WWOX: variants seen among roughly 807,000 people sequenced by gnomAD.
WWOX encodes the protein WW domain containing oxidoreductase.
A neutral mutation model predicts 46.2 loss-of-function variants in WWOX; 69 were observed. The observed-to-expected ratio is 1.49, with a 90% confidence interval of 1.23 to 1.82. WWOX has a LOEUF of 1.82. Ranked by LOEUF, WWOX falls within the 40% of genes most tolerant of loss-of-function variation. The pLI is 0.00. For synonymous variants in WWOX, 359 were observed against 202.6 expected (o/e 1.77, Z -6.56); for missense variants, 919 against 542.6 (o/e 1.69, Z -6.89).
At chr16:78,966,882 A>T (rs2046372010) in intron 8 of WWOX, among the ~76,000 whole-genome samples, 1 of 152,158 alleles carries the variant, frequency 6.6e-6, no homozygotes, top group South Asian at 2.1e-4. Context: ...CACCTCATAG[A>T]GTTGCAGTGG....
intron 8 of WWOX, among the ~76,000 whole-genome samples, chr16:79,054,896 G>C (rs376513282): frequency 3.9e-5 from 6 of 152,196 alleles, no homozygotes; most frequent in Non-Finnish European, 7.3e-5. Flanking sequence ...ATAAAAGGCA[G>C]TGTTTTAAGT....
At chr16:78,900,321 A>C (rs949081542) in intron 8 of WWOX, among the ~76,000 whole-genome samples, 1 of 152,118 alleles carries the variant, frequency 6.6e-6, no homozygotes, top group African/African-American at 2.4e-5. Context: ...GTTGAAATCT[A>C]TGCCTTAAGC....
chr16:78,799,978 C>G (rs1005927774), intron 8 of WWOX, among the ~76,000 whole-genome samples: 14 of 152,176 alleles, frequency 9.2e-5, no homozygotes, highest in African/African-American at 1.7e-4. Flanking sequence ...CATTGCAGGT[C>G]TGAGGTTCCG....
intron 8 of WWOX, among the ~76,000 whole-genome samples, chr16:78,776,168 A>T (rs1045263508): frequency 6.6e-6 from 1 of 152,212 alleles, no homozygotes. Context: ...ATGATTCTGC[A>T]TTCATCTCAG....
At chr16:78,728,942 G>C (rs771848936) in intron 8 of WWOX, among the ~76,000 whole-genome samples, 1 of 152,150 alleles carries the variant, frequency 6.6e-6, no homozygotes, top group Non-Finnish European at 1.5e-5. Context: ...AGAGATAGAG[G>C]ATTAGGATGG....
rs192370501 is a variant in WWOX, at chr16:78,884,673, A to G, written c.1057-326935A>G. Among the ~76,000 whole-genome samples the G allele has an allele frequency of 4.1e-3, 631 of 152,322 alleles. 3 individuals carry two copies. Among genetic ancestry groups the G allele is most frequent in the African/African-American group, 0.015 (607 of 41,566 alleles). ...TTCCTATTAGAAGTCAGGGTAGAGG[A>G]TGGATGGGAGCATGAAGTGTCCTCC... On this transcript the variant is annotated intron_variant, in intron 8 of 8. Coordinates refer to ENST00000566780, the MANE Select transcript of WWOX (RefSeq NM_016373.4).
chr16:78,783,472 C>T (rs12924714), intron 8 of WWOX, among the ~76,000 whole-genome samples: 63,652 of 151,966 alleles, frequency 0.42, 13,967 homozygotes, highest in Middle Eastern at 0.56. Flanking sequence ...GCTCTTTCTG[C>T]AAAGGGAAAG....
At chr16:78,945,033 A>G (rs1452283576) in intron 8 of WWOX, among the ~76,000 whole-genome samples, 2 of 152,056 alleles carry the variant, frequency 1.3e-5, no homozygotes, top group Non-Finnish European at 2.9e-5. Context: ...ATAGAACATT[A>G]GCTGGGCATG....
intron 8 of WWOX, among the ~76,000 whole-genome samples, chr16:78,680,795 G>C (rs968188661): frequency 2.6e-5 from 4 of 152,182 alleles, no homozygotes; most frequent in African/African-American, 9.7e-5. Context: ...GTTGGGCACA[G>C]TACCTGCTGT....
chr16:78,579,797 T>G (rs1388501178), intron 8 of WWOX, among the ~76,000 whole-genome samples: 2 of 152,192 alleles, frequency 1.3e-5, no homozygotes, highest in African/African-American at 4.8e-5. Flanking sequence ...TCTTTAAATC[T>G]CCTACGGTGA....
intron 8 of WWOX, among the ~76,000 whole-genome samples, chr16:78,572,231 C>T (rs1295955675): frequency 6.6e-6 from 1 of 152,114 alleles, no homozygotes; most frequent in African/African-American, 2.4e-5. Context: ...TAGGAGATAG[C>T]AGTGATAATG....
chr16:78,461,118 G>C (rs1296295145), intron 8 of WWOX, among the ~76,000 whole-genome samples: 1 of 152,148 alleles, frequency 6.6e-6, no homozygotes, highest in Non-Finnish European at 1.5e-5. Context: ...AGAATTCCAT[G>C]TTTGATAACT....
intron 4 of WWOX, among the ~76,000 whole-genome samples, chr16:78,138,573 G>C (rs1261895644): frequency 1.3e-5 from 2 of 152,220 alleles, no homozygotes; most frequent in African/African-American, 4.8e-5. Context: ...CTTTACTAAG[G>C]AATGAAAGTC....
At chr16:78,489,891 G>A (rs1363459244) in intron 8 of WWOX, among the ~76,000 whole-genome samples, 1 of 152,156 alleles carries the variant, frequency 6.6e-6, no homozygotes, top group African/African-American at 2.4e-5. Context: ...GGAGGGGTCT[G>A]ACAGATAGCC....
intron 5 of WWOX, among the ~76,000 whole-genome samples, chr16:78,297,113 C>T (rs1242337877): frequency 6.6e-6 from 1 of 152,132 alleles, no homozygotes; most frequent in Non-Finnish European, 1.5e-5. Flanking sequence ...AGGTGGCTCT[C>T]TGGCCTCTGG....
At chr16:79,192,002 C>G (rs1332696321) in intron 8 of WWOX, among the ~76,000 whole-genome samples, 2 of 152,168 alleles carry the variant, frequency 1.3e-5, no homozygotes, top group Non-Finnish European at 2.9e-5. Context: ...ACTTGAAACG[C>G]CTTACATAAA....
At chr16:78,761,847 T>A (rs2049802941) in intron 8 of WWOX, among the ~76,000 whole-genome samples, 1 of 152,186 alleles carries the variant, frequency 6.6e-6, no homozygotes, top group Non-Finnish European at 1.5e-5. Flanking sequence ...CGACATAGAC[T>A]AACTTAAAAC....
chr16:79,203,067 C>G (rs2051394866), intron 8 of WWOX: 1 of 152,192 alleles, frequency 6.6e-6, no homozygotes, highest in South Asian at 2.1e-4. Context: ...TTTACCCGGG[C>G]AATTAAAGCA....
chr16:79,030,138 A>G (rs973925998), intron 8 of WWOX, among the ~76,000 whole-genome samples: 2 of 152,238 alleles, frequency 1.3e-5, no homozygotes, highest in Non-Finnish European at 2.9e-5. Context: ...CCAGAATTTT[A>G]TGAATAAGTA....
Sources: gnomAD v4.1 joint callset for allele counts (sites outside exome capture counted in the v4.1 genomes callset) on GRCh38, gnomAD v4.1.1 for gene constraint, MANE v1.5 for transcripts, NCBI Gene and HGNC (gene_info 2026-07-23, HGNC 2026-07-21) for gene names.